Variants in ILK observed in about 807,000 individuals in gnomAD.
ILK encodes integrin linked kinase.
ILK carries 37 observed loss-of-function variants against 57.8 expected under a neutral mutation model. That is an observed-to-expected ratio of 0.64 (90% confidence interval 0.49 to 0.84). ILK has a LOEUF of 0.84. Ranked by LOEUF, ILK falls within the 40% of genes least tolerant of loss-of-function variation. The probability of loss-of-function intolerance (pLI) is 0.00; values close to 1 mark genes in which losing one functional copy is unlikely to be tolerated. For synonymous variants in ILK, 231 were observed against 202.2 expected (o/e 1.14, Z -1.21); for missense variants, 528 against 595.7 (o/e 0.89, Z 1.18).
In ILK at chr11:6,610,170, CACAA is replaced by C. The variant is rs765201243; in HGVS notation, c.1105_1108del (p.Asn369AspfsTer17). 8 of 1,614,126 alleles carry C rather than the reference CACAA, an allele frequency of 5.0e-6. No homozygotes were observed. The highest frequency in any genetic ancestry group is 2.7e-5 in the African/African-American group (2 of 74,942). ...CAGCTCTGCAGAAGAAGCCTGAAGA[CACAA>C]ACAGACGCTCAGCAGACATGTGGAG... On this transcript the variant is annotated frameshift_variant, in exon 12 of 13. Transcript: ENST00000299421. LOFTEE classifies it high-confidence loss of function.
In ILK at chr11:6,609,388, T is replaced by TGAAGA. The variant is rs1433830282; in HGVS notation, c.710_714dup (p.Cys239LysfsTer18). The TGAAGA allele has an allele frequency of 6.2e-7, 1 of 1,613,908 alleles. No individual in the cohort carries two copies. The highest frequency in any genetic ancestry group is 8.5e-7 in the Non-Finnish European group (1 of 1,180,004). On this transcript the variant is annotated frameshift_variant, in exon 8 of 13. Transcript: ENST00000299421. LOFTEE classifies it high-confidence loss of function. ...GTACAAGGAAGAGCAGGGACTTCAA[T>TGAAGA]GAAGAGTGTCCCCGGCTCAGGTAGT...
chr11:6,608,430 G>C lies in ILK; in HGVS notation c.292G>C (p.Glu98Gln). Residue 98 changes from glutamate to glutamine, a missense_variant, in exon 4 of 13, where the codon GAA becomes CAA. By Grantham distance (29) the Glu-to-Gln change is conservative. Coordinates refer to ENST00000299421, the MANE Select transcript of ILK (RefSeq NM_004517.4). This position sits in a 1 kb window ranked among gnomAD's most constrained non-coding sequence, Gnocchi z 4.9. ...QYKADINAVNEHGNVPLHYAC... is the reference protein window; with the variant it reads ...QYKADINAVNQHGNVPLHYAC... ...CAAGGCAGACATCAATGCAGTGAAT[G>C]AACACGGGAATGTGCCCCTGCACTA... The C allele has an allele frequency of 6.2e-7, 1 of 1,614,220 alleles. No homozygotes were observed. The highest frequency in any genetic ancestry group is 8.5e-7 in the Non-Finnish European group (1 of 1,180,022).
intron 2 of ILK, chr11:6,607,640 CAGACA>C (rs1436512182): frequency 3.6e-6 from 1 of 279,510 alleles, no homozygotes; most frequent in African/African-American, 2.2e-5. Flanking sequence ...AAAGGTCTAA[CAGACA>C]AGACAGTCCA....
chr11:6,608,659 C>G lies in ILK; in HGVS notation c.352-35C>G. On this transcript the variant is annotated intron_variant, in intron 4 of 12. Transcript: ENST00000299421. The surrounding 1 kb of genome is among the most constrained non-coding windows in gnomAD (Gnocchi z 4.9). Reference sequence around the variant, plus strand: ...GGTTCAGTGACTGCCAGCGAGGTAGCAGTGGCTCTCATCATAATGGCCTTT... The same window carrying G: ...GGTTCAGTGACTGCCAGCGAGGTAGGAGTGGCTCTCATCATAATGGCCTTT... 6.5e-7 allele frequency: 1 copy of G among 1,544,122 alleles called. No homozygotes were observed. The highest frequency in any genetic ancestry group is 1.1e-5 in the South Asian group (1 of 89,708).
chr11:6,609,665 G>A (rs1855302329), intron 9 of ILK, 26 bp downstream of exon 9: 2 of 1,614,112 alleles, frequency 1.2e-6, no homozygotes, highest in East Asian at 4.5e-5. Flanking sequence ...GAATTTCCTT[G>A]GGGAGGAAAT....
rs1273794131 is a variant in ILK at position 6,609,988 on chromosome 11, T to G, written c.1031T>G (p.Phe344Cys). The part of the protein sequence containing the change: ...RISMADVKFS[F>C]QCPGRMYAPA... ...AGCATGGCTGATGTCAAGTTCTCTT[T>G]CCAATGTCCTGGTCGCATGTATGCA... Residue 344 changes from phenylalanine (F) to cysteine (C), a missense_variant, in exon 11 of 13, where the codon TTC (phenylalanine) becomes TGC (cysteine). Coordinates refer to ENST00000299421, the MANE Select transcript of ILK (RefSeq NM_004517.4). 2 of 1,614,220 alleles carry G rather than the reference T, an allele frequency of 1.2e-6. No homozygotes were observed. The highest frequency in any genetic ancestry group is 1.7e-5 in the Admixed American group (1 of 60,032).
intron 2 of ILK, chr11:6,607,225 G>A (rs1855008177): frequency 1.3e-5 from 2 of 152,228 alleles, no homozygotes; most frequent in Non-Finnish European, 2.9e-5. Context: ...CTGTCAGGCA[G>A]GCCCAGCTCC....
At position 6,609,037 on chromosome 11, in the gene ILK, T is replaced by A. The variant is rs755970995; in HGVS notation, c.533-34T>A. On this transcript the variant is annotated intron_variant, in intron 6 of 12. Transcript: ENST00000299421. ...CTGGCCTCTTGGGGCTGGGTTAGGG[T>A]GAAGCTGGGTACCTGACCTGCCCAC... 3 of 1,611,778 alleles carry A rather than the reference T, an allele frequency of 1.9e-6. No individual in the cohort carries two copies. In the East Asian group the frequency reaches 6.7e-5, roughly 36 times the overall value.
At chr11:6,605,809 A>G (rs1854842911) in intron 2 of ILK, among the ~76,000 whole-genome samples, 1 of 149,758 alleles carries the variant, frequency 6.7e-6, no homozygotes, top group African/African-American at 2.5e-5. Context: ...ACTATGATGA[A>G]CACCTTCTGT....
At position 6,610,572 on chromosome 11, in the gene ILK, C is replaced by T; in HGVS notation, c.1320C>T (p.Asp440=). 1.2e-6 allele frequency: 2 copies of T among 1,614,234 alleles called. No individual in the cohort carries two copies. The highest frequency in any genetic ancestry group is 1.3e-5 in the African/African-American group (1 of 75,052). ...ACCCTGCAAAGCGACCCAAATTTGA[C>T]ATGATTGTGCCTATCCTTGAGAAGA... ...NEDPAKRPKF[D]MIVPILEKMQ... Residue 440 remains aspartate (D), a synonymous_variant, in exon 13 of 13, where the codon GAC becomes GAT. Coordinates refer to ENST00000299421, the MANE Select transcript of ILK (RefSeq NM_004517.4).
chr11:6,604,890 G>GA, intron 2 of ILK: 1 of 456,414 alleles, frequency 2.2e-6, no homozygotes. Context: ...AGGTGGAAAG[G>GA]AGGCAATTGC....
At position 6,610,645 on chromosome 11, in the gene ILK, T is replaced by G. The variant is rs781115248; in HGVS notation, c.*34T>G. On this transcript the variant is annotated 3_prime_UTR_variant, in exon 13 of 13. Transcript: ENST00000299421. ...GGTCCTTGCCTGAACTCCAGAGGTG[T>G]CGGGACATGGTTGGGGGAATGCACC... 13 of 1,613,622 alleles carry G rather than the reference T, an allele frequency of 8.1e-6. No individual in the cohort carries two copies. The South Asian group carries it at 1.4e-4, about 18-fold the overall frequency.
chr11:6,603,926 G>C, intron 1 of ILK, 104 bp downstream of exon 1: 1 of 471,458 alleles, frequency 2.1e-6, no homozygotes, highest in Non-Finnish European at 3.9e-6. Context: ...CCCTCTCCCA[G>C]AGTATACGGA....
rs1589935783 is a variant in ILK at position 6,608,403 on chromosome 11, T to C, written c.265T>C (p.Tyr89His). Residue 89 changes from tyrosine to histidine, a missense_variant, in exon 4 of 13, where the codon TAC becomes CAC. Physicochemically the swap from Tyr to His is moderately conservative, Grantham distance 83 (BLOSUM62 2). Transcript: ENST00000299421. The surrounding 1 kb of genome is among the most constrained non-coding windows in gnomAD (Gnocchi z 4.9). The part of the protein sequence containing the change: ...HRDIVQKLLQ[Y>H]KADINAVNEH... Reference sequence around the variant, plus strand: ...TGGCCATGGGGTCCAGCTATTGCAGTACAAGGCAGACATCAATGCAGTGAA... The same window carrying C: ...TGGCCATGGGGTCCAGCTATTGCAGCACAAGGCAGACATCAATGCAGTGAA... The C allele has an allele frequency of 6.2e-7, 1 of 1,614,016 alleles. No homozygotes were observed. Among genetic ancestry groups the C allele is most frequent in the East Asian group, 2.2e-5 (1 of 44,888 alleles).
At position 6,609,051 on chromosome 11, in the gene ILK, T is replaced by A; in HGVS notation, c.533-20T>A. On this transcript the variant is annotated intron_variant, in intron 6 of 12. Coordinates refer to ENST00000299421, the MANE Select transcript of ILK (RefSeq NM_004517.4). ...CTGGGTTAGGGTGAAGCTGGGTACC[T>A]GACCTGCCCACACTCTTAGGAAATG... The A allele has an allele frequency of 6.2e-7, 1 of 1,612,952 alleles. No homozygotes were observed. The highest frequency in any genetic ancestry group is 8.5e-7 in the Non-Finnish European group (1 of 1,178,918).
intron 11 of ILK, 25 bp from the exon 12 acceptor site, chr11:6,610,123 G>A: frequency 2.5e-6 from 4 of 1,614,170 alleles, no homozygotes; most frequent in Non-Finnish European, 3.4e-6. Flanking sequence ...AAGGGGGCCA[G>A]AACAGACAAG....
chr11:6,609,528 A>C lies in ILK; in HGVS notation c.745A>C (p.Asn249His). The change falls in exon 9 of 13, where the codon AAT becomes CAT. Residue 249 changes from asparagine (N) to histidine (H), a missense_variant. Transcript: ENST00000299421. The part of the protein sequence containing the change: ...CPRLRIFSHP[N>H]VLPVLGACQS... ...CTCTTCTAGGATTTTCTCGCATCCAAATGTGCTCCCAGTGCTAGGTGCCTG... is the reference window on the plus strand; with the variant it reads ...CTCTTCTAGGATTTTCTCGCATCCACATGTGCTCCCAGTGCTAGGTGCCTG... 6.2e-7 allele frequency: 1 copy of C among 1,614,084 alleles called. No homozygotes were observed. The highest frequency in any genetic ancestry group is 8.5e-7 in the Non-Finnish European group (1 of 1,180,014).
At position 6,608,929 on chromosome 11, in the gene ILK, A is replaced by T. The variant is rs754728057; in HGVS notation, c.494A>T (p.Lys165Met). 1 of 1,614,218 alleles carries T rather than the reference A, an allele frequency of 6.2e-7. No homozygotes were observed. The highest frequency in any genetic ancestry group is 8.5e-7 in the Non-Finnish European group (1 of 1,180,040). ...MGQNLNRIPY[K>M]DTFWKGTTRT... ...CAGAATCTCAACCGTATTCCATACA[A>T]GGACACATTCTGGAAGGGGACCACC... Residue 165 changes from lysine to methionine, a missense_variant, in exon 6 of 13, where the codon AAG (lysine) becomes ATG (methionine). Coordinates refer to ENST00000299421, the MANE Select transcript of ILK (RefSeq NM_004517.4). The surrounding 1 kb of genome is among the most constrained non-coding windows in gnomAD (Gnocchi z 4.9).
Position 6,609,062 on chromosome 11 carries a change from C to T in ILK, c.533-9C>T. ...TGAAGCTGGGTACCTGACCTGCCCACACTCTTAGGAAATGGAACCCTGAAC... is the reference window on the plus strand; with the variant it reads ...TGAAGCTGGGTACCTGACCTGCCCATACTCTTAGGAAATGGAACCCTGAAC... On this transcript the variant is annotated splice_polypyrimidine_tract_variant and intron_variant, in intron 6 of 12. Coordinates refer to ENST00000299421, the MANE Select transcript of ILK (RefSeq NM_004517.4). 1.2e-6 allele frequency: 2 copies of T among 1,613,662 alleles called. No homozygotes were observed. The highest frequency in any genetic ancestry group is 1.7e-6 in the Non-Finnish European group (2 of 1,179,512).
Sources: gnomAD v4.1 joint callset for allele counts (sites outside exome capture counted in the v4.1 genomes callset) on GRCh38, gnomAD v4.1.1 for gene constraint, Gnocchi (gnomAD v3.1) non-coding constraint, MANE v1.5 for transcripts, NCBI Gene and HGNC (gene_info 2026-07-23, HGNC 2026-07-21) for gene names.